PKNOX2: variants seen among roughly 807,000 people sequenced by gnomAD.
PKNOX2 encodes homeobox protein PKNOX2.
A neutral mutation model predicts 53.1 loss-of-function variants in PKNOX2; 14 were observed. The observed-to-expected ratio is 0.26, with a 90% CI of 0.17 to 0.41. The LOEUF (loss-of-function observed/expected upper bound fraction) is 0.41. Among genes scored for constraint, PKNOX2 ranks in the 10% least tolerant of loss-of-function variants. The pLI, the probability that PKNOX2 is intolerant of heterozygous loss-of-function variation, is 1.00. For missense variants in PKNOX2, 496 were observed against 602.8 expected, an observed-to-expected ratio of 0.82 and a Z score of 1.85; for synonymous variants, 257 against 242.8, an observed-to-expected ratio of 1.06 and a Z score of -0.54.
chr11:125,186,417 T>C (rs2135308343), intron 1 of PKNOX2, among the ~76,000 whole-genome samples: 1 of 152,322 alleles, frequency 6.6e-6, no homozygotes, highest in South Asian at 2.1e-4. Context: ...TTTGAGAGGC[T>C]GAGGTAGGCA....
chr11:125,188,050 C>T (rs574892916), intron 1 of PKNOX2: 1 of 152,314 alleles, frequency 6.6e-6, no homozygotes, highest in Admixed American at 6.5e-5. Flanking sequence ...ACTTTTATTA[C>T]CTCATTTGAT....
intron 2 of PKNOX2, among the ~76,000 whole-genome samples, chr11:125,302,718 C>T (rs535382935): frequency 1.4e-4 from 21 of 152,314 alleles, no homozygotes; most frequent in African/African-American, 4.3e-4. Flanking sequence ...CAGGCCCTGC[C>T]GCCAGCCCTG....
chr11:125,324,577 T>C (rs1591528291), intron 2 of PKNOX2, among the ~76,000 whole-genome samples: 1 of 152,080 alleles, frequency 6.6e-6, no homozygotes, highest in South Asian at 2.1e-4. Context: ...GCTGGCTAAG[T>C]GTGAAGAGAA....
chr11:125,349,095 T>C (rs1424333853), intron 3 of PKNOX2, among the ~76,000 whole-genome samples: 1 of 152,242 alleles, frequency 6.6e-6, no homozygotes, highest in Admixed American at 6.5e-5. Context: ...GGGAAGGCTA[T>C]GTTTAATAGG....
At chr11:125,405,393 C>A (rs1359740954) in intron 7 of PKNOX2, among the ~76,000 whole-genome samples, 1 of 152,218 alleles carries the variant, frequency 6.6e-6, no homozygotes, top group African/African-American at 2.4e-5. Flanking sequence ...TTTCCCAGGG[C>A]AGTTCAAGCC....
At chr11:125,263,712 C>A (rs1346155178) in intron 2 of PKNOX2, among the ~76,000 whole-genome samples, 2 of 152,212 alleles carry the variant, frequency 1.3e-5, no homozygotes, top group Non-Finnish European at 2.9e-5. Flanking sequence ...GGGCGTGGAG[C>A]CGAGGATGAG....
At chr11:125,310,582 C>A (rs1948743733) in intron 2 of PKNOX2, among the ~76,000 whole-genome samples, 1 of 152,076 alleles carries the variant, frequency 6.6e-6, no homozygotes, top group African/African-American at 2.4e-5. Context: ...CTTACTGTTA[C>A]ATAGCTTCCA....
At chr11:125,263,695 G>T (rs117192254) in intron 2 of PKNOX2, among the ~76,000 whole-genome samples, 2 of 152,346 alleles carry the variant, frequency 1.3e-5, no homozygotes, top group East Asian at 3.9e-4. Context: ...TCCGGTCTTC[G>T]CACGGAGGGC....
chr11:125,334,595 T>G (rs202190939), intron 3 of PKNOX2, among the ~76,000 whole-genome samples: 5,115 of 141,746 alleles, frequency 0.036, 150 homozygotes, highest in East Asian at 0.15. Context: ...TCGTTTTTTT[T>G]TTTTTTTCTT....
intron 2 of PKNOX2, among the ~76,000 whole-genome samples, chr11:125,293,809 ACACT>A (rs980536560): frequency 1.0e-4 from 14 of 136,766 alleles, no homozygotes; most frequent in African/African-American, 3.9e-4. Flanking sequence ...ACGCTCACAC[ACACT>A]CACACACACT....
intron 3 of PKNOX2, among the ~76,000 whole-genome samples, chr11:125,333,549 T>TACACACACACAC (rs57352759): frequency 3.4e-3 from 487 of 142,318 alleles, no homozygotes; most frequent in African/African-American, 7.4e-3. Context: ...CACACACACA[T>TACACACACACAC]ACACACACAC....
At chr11:125,263,012 A>G (rs1944998752) in intron 2 of PKNOX2, among the ~76,000 whole-genome samples, 1 of 152,078 alleles carries the variant, frequency 6.6e-6, no homozygotes, top group African/African-American at 2.4e-5. Flanking sequence ...CAGTCTCTGT[A>G]GTGTGTGCTG....
intron 2 of PKNOX2, among the ~76,000 whole-genome samples, chr11:125,273,637 C>T (rs904484912): frequency 4.6e-5 from 7 of 151,992 alleles, no homozygotes; most frequent in Non-Finnish European, 8.8e-5. Flanking sequence ...CTTTGCCTTC[C>T]TAGGAGTTAG....
chr11:125,335,420 A>G (rs1950383284), intron 3 of PKNOX2, among the ~76,000 whole-genome samples: 1 of 152,174 alleles, frequency 6.6e-6, no homozygotes, highest in Non-Finnish European at 1.5e-5. Context: ...TTCTCTGTGA[A>G]TGAGGGAGGA....
At chr11:125,414,330 C>G (rs1483834291) in intron 10 of PKNOX2, among the ~76,000 whole-genome samples, 2 of 152,184 alleles carry the variant, frequency 1.3e-5, no homozygotes, top group Non-Finnish European at 2.9e-5. Context: ...CCCCTGTTGC[C>G]CTCTCCAGCC....
intron 3 of PKNOX2, among the ~76,000 whole-genome samples, chr11:125,336,396 A>G (rs1950432454): frequency 1.3e-5 from 2 of 151,904 alleles, no homozygotes; most frequent in Admixed American, 1.3e-4. Context: ...GGAAATTAGC[A>G]CACATCCTTC....
At chr11:125,379,295 A>C (rs951538101) in intron 5 of PKNOX2, among the ~76,000 whole-genome samples, 1 of 151,880 alleles carries the variant, frequency 6.6e-6, no homozygotes, top group Non-Finnish European at 1.5e-5. Context: ...ATCCTGACCT[A>C]AGGTAATCCA....
intron 2 of PKNOX2, among the ~76,000 whole-genome samples, chr11:125,279,304 A>G (rs1946392039): frequency 6.6e-6 from 1 of 152,200 alleles, no homozygotes; most frequent in South Asian, 2.1e-4. Context: ...GAATGATTGA[A>G]TCATTTACCA....
At chr11:125,264,074 A>G (rs1945107899) in intron 2 of PKNOX2, among the ~76,000 whole-genome samples, 1 of 152,118 alleles carries the variant, frequency 6.6e-6, no homozygotes, top group East Asian at 1.9e-4. Flanking sequence ...CCCCTACAAG[A>G]GTTAACTCCC....
Sources: allele counts gnomAD v4.1 joint callset (sites outside exome capture counted in the v4.1 genomes callset), GRCh38; gene constraint gnomAD v4.1.1; transcripts MANE v1.5; gene names NCBI Gene and HGNC (gene_info 2026-07-23, HGNC 2026-07-21).